The following DTX4 variants were observed in gnomAD, a reference collection of about 807,000 sequenced individuals.
DTX4 encodes the protein E3 ubiquitin-protein ligase DTX4.
DTX4 carries 28 observed loss-of-function variants against 57.6 expected under a neutral mutation model. The observed-to-expected ratio is 0.49, with a 90% CI of 0.36 to 0.67. The LOEUF (loss-of-function observed/expected upper bound fraction) is 0.67. Among genes scored for constraint, DTX4 ranks in the 30% least tolerant of loss-of-function variants. DTX4 has a pLI of 0.00. For missense variants in DTX4, 715 were observed against 836.8 expected (o/e 0.85, Z 1.80); for synonymous variants, 316 against 331.0 (o/e 0.95, Z 0.49).
At chr11:59,190,476 T>G (rs1457983061) in intron 4 of DTX4, among the ~76,000 whole-genome samples, 1 of 152,146 alleles carries the variant, frequency 6.6e-6, no homozygotes, top group African/African-American at 2.4e-5. Flanking sequence ...GGTTATATCA[T>G]CCCATCCTCT....
At chr11:59,201,091 G>T (rs1398222648) in intron 8 of DTX4, among the ~76,000 whole-genome samples, 1 of 152,160 alleles carries the variant, frequency 6.6e-6, no homozygotes, top group Non-Finnish European at 1.5e-5. Context: ...TTAGTGTCTG[G>T]CTAGGACTTG....
intron 6 of DTX4, 23 bp from the exon 7 acceptor site, chr11:59,195,185 C>A (rs1160069450): frequency 1.4e-5 from 22 of 1,613,698 alleles, no homozygotes; most frequent in Non-Finnish European, 1.9e-5. Flanking sequence ...CCCAATCTGG[C>A]TCTTCTGGCC....
chr11:59,194,051 A>G (rs896925973), intron 6 of DTX4, among the ~76,000 whole-genome samples: 2 of 152,088 alleles, frequency 1.3e-5, no homozygotes, highest in Admixed American at 1.3e-4. Flanking sequence ...GCACCTCACC[A>G]GGTCCTGCAG....
intron 1 of DTX4, among the ~76,000 whole-genome samples, chr11:59,174,054 C>CCCCA (rs1022631201): frequency 1.3e-5 from 2 of 152,098 alleles, no homozygotes; most frequent in Non-Finnish European, 2.9e-5. Context: ...CTTGGAAAGC[C>CCCCA]CCCACATCCT....
intron 1 of DTX4, among the ~76,000 whole-genome samples, chr11:59,175,566 G>C (rs1862385956): frequency 6.6e-6 from 1 of 152,120 alleles, no homozygotes; most frequent in African/African-American, 2.4e-5. Context: ...TTTTGGGCTA[G>C]AGAATCTGGA....
At chr11:59,180,150 A>G (rs191412080) in intron 1 of DTX4, among the ~76,000 whole-genome samples, 1 of 152,270 alleles carries the variant, frequency 6.6e-6, no homozygotes, top group East Asian at 1.9e-4. Context: ...AGATGAGGAA[A>G]CTGAGGCTTA....
In DTX4 at chr11:59,182,341, G is replaced by T. The variant is rs1862476478; in HGVS notation, c.814G>T (p.Gly272Cys). Residue 272 changes from glycine to cysteine, a missense_variant, in exon 2 of 9, where the codon GGC becomes TGC. Transcript: ENST00000227451. The part of the protein sequence containing the change: ...ASSMPTGTTM[G>C]SPASPPGPNS... ...CAGCATGCCCACTGGGACAACCATG[G>T]GCTCTCCTGCCAGTCCCCCAGGACC... 6.2e-7 allele frequency: 1 copy of T among 1,612,952 alleles called. No individual in the cohort carries two copies. The highest frequency in any genetic ancestry group is 1.7e-5 in the Admixed American group (1 of 59,994).
At chr11:59,196,104 G>C (rs983252385) in intron 7 of DTX4, among the ~76,000 whole-genome samples, 1 of 152,160 alleles carries the variant, frequency 6.6e-6, no homozygotes, top group South Asian at 2.1e-4. Flanking sequence ...CATTTCTTTA[G>C]CAAATATTAA....
intron 2 of DTX4, among the ~76,000 whole-genome samples, chr11:59,185,885 AT>A (rs1312642943): frequency 2.0e-5 from 3 of 152,164 alleles, no homozygotes; most frequent in Non-Finnish European, 4.4e-5. Flanking sequence ...CAGGGACCCC[AT>A]GGGGCAGACA....
rs749542653 is a variant in DTX4 at position 59,181,998 on chromosome 11, C to T, written c.471C>T (p.Leu157=). 8 of 1,613,974 alleles carry T rather than the reference C, an allele frequency of 5.0e-6. No individual in the cohort carries two copies. The highest frequency in any genetic ancestry group is 2.2e-5 in the East Asian group (1 of 44,884). The change falls in exon 2 of 9, where the codon CTC becomes CTT. Residue 157 remains leucine, a synonymous_variant. Coordinates refer to ENST00000227451, the MANE Select transcript of DTX4 (RefSeq NM_015177.2). The part of the protein sequence containing the change: ...TQRQRRVRRR[L]DLIYPMVTGT... ...GCCAACGCCGCGTCCGCCGGCGCCT[C>T]GACCTCATCTACCCCATGGTCACAG...
At chr11:59,196,240 A>G (rs759348137) in intron 7 of DTX4, among the ~76,000 whole-genome samples, 10 of 152,254 alleles carry the variant, frequency 6.6e-5, no homozygotes, top group Non-Finnish European at 1.2e-4. Context: ...AGCAAAGTAG[A>G]CGCAATCCTT....
chr11:59,194,018 G>T (rs956570567), intron 6 of DTX4, among the ~76,000 whole-genome samples: 2 of 152,124 alleles, frequency 1.3e-5, no homozygotes. Context: ...ATAGGATTCG[G>T]TGTCCAGGCC....
chr11:59,172,817 C>A lies in DTX4; in HGVS notation c.211+11C>A. ...TCCGCCAAGACACGGGTGAGCCAGC[C>A]GCCCCTGACCCCGCCCCGCCTGCTC... is the stretch of plus-strand genomic sequence containing the variant. On this transcript the variant is annotated intron_variant, in intron 1 of 8. Transcript: ENST00000227451. The A allele has an allele frequency of 1.3e-6, 2 of 1,524,030 alleles. No homozygotes were observed. The highest frequency in any genetic ancestry group is 1.8e-6 in the Non-Finnish European group (2 of 1,132,464). The allele number at this position is 1,524,030 out of a possible 1,614,324, so 94.4% of individuals were successfully genotyped here.
chr11:59,183,746 C>T (rs1050860804), intron 2 of DTX4, among the ~76,000 whole-genome samples: 1 of 152,180 alleles, frequency 6.6e-6, no homozygotes, highest in Non-Finnish European at 1.5e-5. Context: ...GTTGGAAATC[C>T]AGAGGCCCAG....
rs1246674698 is a variant in DTX4, at chr11:59,182,282, C to T, written c.755C>T (p.Thr252Ile). ...STGTIRGPLKTAPSQVIRRQA... is the reference protein window; with the variant it reads ...STGTIRGPLKIAPSQVIRRQA... ...GGCACCATTCGAGGCCCACTGAAGA[C>T]CGCCCCATCGCAGGTGATCCGGAGA... Residue 252 changes from threonine (T) to isoleucine (I), a missense_variant, in exon 2 of 9, where the codon ACC (threonine) becomes ATC (isoleucine). By Grantham distance (89) the Thr-to-Ile change is moderately conservative. Coordinates refer to ENST00000227451, the MANE Select transcript of DTX4 (RefSeq NM_015177.2). 1.1e-5 allele frequency: 17 copies of T among 1,612,362 alleles called. No homozygotes were observed. The highest frequency in any genetic ancestry group is 1.2e-5 in the Non-Finnish European group (14 of 1,179,818).
At chr11:59,174,130 A>AT (rs1320476138) in intron 1 of DTX4, among the ~76,000 whole-genome samples, 1 of 152,142 alleles carries the variant, frequency 6.6e-6, no homozygotes, top group Non-Finnish European at 1.5e-5. Context: ...ATCTTTAGTC[A>AT]TAACTCCCAG....
chr11:59,196,089 G>A (rs551614569), intron 7 of DTX4, among the ~76,000 whole-genome samples: 2 of 152,346 alleles, frequency 1.3e-5, no homozygotes, highest in Admixed American at 1.3e-4. Flanking sequence ...GCCGTTGACT[G>A]TATGCATTTC....
At chr11:59,171,831 G>GA (rs905892099), upstream of DTX4, among the ~76,000 whole-genome samples, 7 of 150,168 alleles carry the variant, frequency 4.7e-5, no homozygotes, top group East Asian at 1.9e-4. Flanking sequence ...CTGCATTAAG[G>GA]AAAAAAAAAG....
chr11:59,193,260 A>G (rs1439052304), intron 6 of DTX4, among the ~76,000 whole-genome samples: 2 of 152,238 alleles, frequency 1.3e-5, no homozygotes, highest in Non-Finnish European at 2.9e-5. Flanking sequence ...CATCTGGAAA[A>G]TGGAGATTAA....
Sources: allele counts gnomAD v4.1 joint callset (sites outside exome capture counted in the v4.1 genomes callset), GRCh38; gene constraint gnomAD v4.1.1; transcripts MANE v1.5; gene names NCBI Gene and HGNC (gene_info 2026-07-23, HGNC 2026-07-21).